ADGRF5: variants seen among roughly 807,000 people sequenced by gnomAD.
ADGRF5 encodes G-protein coupled receptor 116.
A neutral mutation model predicts 132.3 loss-of-function variants in ADGRF5; 75 were observed. The observed-to-expected ratio is 0.57, with a 90% CI of 0.47 to 0.69. The LOEUF is 0.69. Ranked by LOEUF, ADGRF5 falls within the 30% of genes least tolerant of loss-of-function variation. The pLI is 0.00. For missense variants in ADGRF5, 1,516 were observed against 1,630.6 expected (o/e 0.93, Z 1.21); for synonymous variants, 629 against 597.6 (o/e 1.05, Z -0.77).
Position 46,855,297 on chromosome 6 carries a change from T to C in ADGRF5, c.3961+677A>G, listed in dbSNP as rs558457501. On this transcript the variant is annotated intron_variant, in intron 20 of 20. Transcript: ENST00000283296. ...CTACCACTATCGGCGTCATCACGAATGCCGAGTAATTACTATAATCCATGT... is the reference window on the plus strand; with the variant it reads ...CTACCACTATCGGCGTCATCACGAACGCCGAGTAATTACTATAATCCATGT... Among the ~76,000 whole-genome samples the C allele has an allele frequency of 4.1e-4, 62 of 152,318 alleles. 2 individuals carry two copies. In the South Asian group the frequency reaches 0.013, roughly 31 times the overall value.
rs201268782 is a variant in ADGRF5, at chr6:46,867,151, G to A, written c.1622-14C>T. On this transcript the variant is annotated splice_polypyrimidine_tract_variant and intron_variant, in intron 12 of 20. Coordinates refer to ENST00000283296, the MANE Select transcript of ADGRF5 (RefSeq NM_001098518.2). ...AGTGATAGGTTCCTGAGTAGAAGAC[G>A]GCAAAAATGAGATGGAATGGAAATA... 4.4e-5 allele frequency: 62 copies of A among 1,396,148 alleles called. 1 individual carries two copies. The South Asian group carries it at 6.0e-4, about 14-fold the overall frequency. 86.5% of individuals were successfully genotyped at this position (1,396,148 alleles called of 1,614,324 possible). A position where few individuals can be genotyped will look rare whatever the true frequency, so the allele number is the denominator to read the frequency against.
Position 46,890,507 on chromosome 6 carries a change from C to G in ADGRF5, c.158-2002G>C, listed in dbSNP as rs552442350. Reference sequence around the variant, plus strand: ...CCGAGGCGGGCAGATCACTTGAGGTCAGGAGTTCGAGACCAGCCTGGCCAA... The same window carrying G: ...CCGAGGCGGGCAGATCACTTGAGGTGAGGAGTTCGAGACCAGCCTGGCCAA... On this transcript the variant is annotated intron_variant, in intron 3 of 20. Transcript: ENST00000283296. Among the ~76,000 whole-genome samples, 223 of 145,726 alleles carry G rather than the reference C, an allele frequency of 1.5e-3. 1 individual carries two copies. Among genetic ancestry groups the G allele is most frequent in the Middle Eastern group, 0.01 (3 of 288 alleles).
At chr6:46,884,022 A>ATGAGCC in intron 5 of ADGRF5, 73 bp downstream of exon 5, 11 of 1,227,466 alleles carry the variant, frequency 9.0e-6, no homozygotes, top group Non-Finnish European at 1.3e-5. Flanking sequence ...GATTACAGGC[A>ATGAGCC]TGAGCCACCA....
rs1351047640 is a variant in ADGRF5 at position 46,865,089 on chromosome 6, G to A, written c.1943C>T (p.Ala648Val). ...VDVCCHFTNAANNSVWSPSMK... is the reference protein window; with the variant it reads ...VDVCCHFTNAVNNSVWSPSMK... ...AGATGGGCTCCAGACTGAATTATTA[G>A]CAGCATTGGTAAAGTGACAACACAC... The change falls in exon 14 of 21, where the codon GCT becomes GTT. Residue 648 changes from alanine to valine, a missense_variant. Physicochemically the swap from Ala to Val is moderately conservative, Grantham distance 64. This residue lies in a region of ADGRF5 where 945 missense variants were observed against 929.4 expected (regional missense o/e 1.02). Transcript: ENST00000283296. The A allele has an allele frequency of 6.2e-7, 1 of 1,610,250 alleles. No individual in the cohort carries two copies. The highest frequency in any genetic ancestry group is 8.5e-7 in the Non-Finnish European group (1 of 1,176,622).
At chr6:46,929,333 G>C (rs9349383) in intron 1 of ADGRF5, among the ~76,000 whole-genome samples, 2,514 of 151,970 alleles carry the variant, frequency 0.017, 79 homozygotes, top group South Asian at 0.13. Context: ...CACACACCGG[G>C]GACTGTTGTG....
intron 10 of ADGRF5, among the ~76,000 whole-genome samples, chr6:46,877,259 C>CT (rs1771809832): frequency 2.7e-5 from 1 of 36,730 alleles, no homozygotes; most frequent in Non-Finnish European, 5.1e-5. Context: ...TTCTTTCTTT[C>CT]TTTCTTTCTT....
chr6:46,941,743 A>C (rs1283108766), intron 1 of ADGRF5, among the ~76,000 whole-genome samples: 1 of 151,950 alleles, frequency 6.6e-6, no homozygotes, highest in Non-Finnish European at 1.5e-5. Flanking sequence ...GCATACATTT[A>C]GAAAAACACT....
At chr6:46,901,750 C>T (rs1046067047) in intron 2 of ADGRF5, among the ~76,000 whole-genome samples, 8 of 151,724 alleles carry the variant, frequency 5.3e-5, no homozygotes, top group South Asian at 2.1e-4. Flanking sequence ...TCTCAGGGAG[C>T]GGGTCTCTCT....
intron 3 of ADGRF5, among the ~76,000 whole-genome samples, chr6:46,891,347 C>T (rs1262195341): frequency 6.6e-6 from 1 of 152,196 alleles, no homozygotes; most frequent in Non-Finnish European, 1.5e-5. Context: ...ATGTGGTCCA[C>T]TGGGAATATT....
chr6:46,943,011 G>T (rs1256799959), intron 1 of ADGRF5, among the ~76,000 whole-genome samples: 1 of 152,106 alleles, frequency 6.6e-6, no homozygotes, highest in Non-Finnish European at 1.5e-5. Flanking sequence ...GTTTTTGAAG[G>T]ATAATCCATT....
At chr6:46,868,376 G>C (rs192070457) in intron 12 of ADGRF5, among the ~76,000 whole-genome samples, 1 of 152,224 alleles carries the variant, frequency 6.6e-6, no homozygotes, top group African/African-American at 2.4e-5. Context: ...CATAGTTAAG[G>C]GCTCAATAAA....
chr6:46,905,132 G>A (rs1775189785), intron 2 of ADGRF5: 4 of 152,314 alleles, frequency 2.6e-5, no homozygotes. Context: ...CAGAGGCAAA[G>A]CTAACCCCAT....
intron 2 of ADGRF5, among the ~76,000 whole-genome samples, chr6:46,904,082 C>T (rs1440441545): frequency 6.6e-6 from 1 of 152,122 alleles, no homozygotes; most frequent in Non-Finnish European, 1.5e-5. Context: ...GAGCAGGATC[C>T]AGGGCAGCAT....
Position 46,879,605 on chromosome 6 carries a change from A to C in ADGRF5, c.1036+213T>G, listed in dbSNP as rs556793018. 3.8e-4 allele frequency among the ~76,000 whole-genome samples: 58 copies of C among 152,314 alleles called. 1 individual carries two copies. In the Middle Eastern group the frequency reaches 0.017, roughly 45 times the overall value. On this transcript the variant is annotated intron_variant, in intron 9 of 20. Coordinates refer to ENST00000283296, the MANE Select transcript of ADGRF5 (RefSeq NM_001098518.2). ...TGAGTCAATTAAACCTTTTTTCTTC[A>C]TAAATTACCCAATCTCAGGTAGTTC... is the stretch of plus-strand genomic sequence containing the variant.
chr6:46,915,342 AC>A (rs905106507), intron 1 of ADGRF5, among the ~76,000 whole-genome samples: 8 of 149,504 alleles, frequency 5.4e-5, no homozygotes, highest in African/African-American at 2.0e-4. Context: ...ATCTCTGTCC[AC>A]TGTGCAGGAG....
chr6:46,916,556 C>A (rs534943724), intron 1 of ADGRF5, among the ~76,000 whole-genome samples: 1 of 152,268 alleles, frequency 6.6e-6, no homozygotes, highest in African/African-American at 2.4e-5. Context: ...GGACATTGGG[C>A]CACTACATTG....
intron 2 of ADGRF5, among the ~76,000 whole-genome samples, chr6:46,902,689 G>T (rs1035839738): frequency 3.3e-5 from 5 of 152,128 alleles, no homozygotes; most frequent in African/African-American, 1.2e-4. Flanking sequence ...CCACATCTTT[G>T]CAAGTGCCGC....
At position 46,853,875 on chromosome 6, in the gene ADGRF5, GGCATC is replaced by G; in HGVS notation, c.*112_*116del. The G allele has an allele frequency of 1.5e-6, 1 of 670,282 alleles. No homozygotes were observed. The highest frequency in any genetic ancestry group is 2.6e-6 in the Non-Finnish European group (1 of 380,272). 41.5% of individuals were successfully genotyped at this position (670,282 alleles called of 1,614,324 possible). A position where few individuals can be genotyped will look rare whatever the true frequency, so the allele number is the denominator to read the frequency against. ...CTCTTCTCTATGAAAAAGTCTTTTT[GGCATC>G]TGCTCCCGGAAACCTGCCCCGAGAA... On this transcript the variant is annotated 3_prime_UTR_variant, in exon 21 of 21. Coordinates refer to ENST00000283296, the MANE Select transcript of ADGRF5 (RefSeq NM_001098518.2).
intron 3 of ADGRF5, among the ~76,000 whole-genome samples, chr6:46,895,984 C>T (rs756370944): frequency 1.3e-5 from 2 of 152,048 alleles, no homozygotes; most frequent in Admixed American, 6.6e-5. Flanking sequence ...GTCCTTCATC[C>T]CCAAGTCACA....
Sources: gnomAD v4.1 joint callset for allele counts (sites outside exome capture counted in the v4.1 genomes callset) on GRCh38, gnomAD v4.1.1 for gene constraint, gnomAD v4.1.1 regional missense constraint, MANE v1.5 for transcripts, NCBI Gene and HGNC (gene_info 2026-07-23, HGNC 2026-07-21) for gene names.